The following RIMS1 variants were observed in gnomAD, a reference collection of about 807,000 sequenced individuals.
The protein encoded by RIMS1 is regulating synaptic membrane exocytosis 1.
Under a neutral mutation model 214.1 loss-of-function variants are expected in RIMS1, and 83 were observed. The ratio of observed to expected loss-of-function variants is 0.39; its 90% CI spans 0.32 to 0.47. RIMS1 has a LOEUF of 0.47. RIMS1 is among the 20% of genes least tolerant of loss of function. RIMS1 has a pLI of 0.99. For synonymous variants in RIMS1, 793 were observed against 786.8 expected, an observed-to-expected ratio of 1.01 and a Z score of -0.13; for missense variants, 2,050 against 2,161.8, an observed-to-expected ratio of 0.95 and a Z score of 1.03.
chr6:72,350,482 A>C (rs1264572873), intron 29 of RIMS1, among the ~76,000 whole-genome samples: 3 of 152,130 alleles, frequency 2.0e-5, no homozygotes, highest in Non-Finnish European at 4.4e-5. Flanking sequence ...TTTCATATTC[A>C]GCATGTCCTA....
intron 1 of RIMS1, among the ~76,000 whole-genome samples, chr6:71,896,537 A>G (rs1390588458): frequency 1.3e-5 from 2 of 152,150 alleles, no homozygotes; most frequent in Non-Finnish European, 2.9e-5. Context: ...AGGCTATAGG[A>G]GGTCCACATG....
At chr6:71,969,772 G>A (rs945410385) in intron 2 of RIMS1, among the ~76,000 whole-genome samples, 7 of 152,172 alleles carry the variant, frequency 4.6e-5, no homozygotes, top group Non-Finnish European at 1.0e-4. Context: ...TCGTGCCACT[G>A]TACTCCAGCC....
At chr6:72,215,137 C>T (rs77555438) in intron 6 of RIMS1, among the ~76,000 whole-genome samples, 10,402 of 152,212 alleles carry the variant, frequency 0.068, 411 homozygotes, top group Non-Finnish European at 0.092. Flanking sequence ...TGGTTCTCTT[C>T]TGTATACTTG....
At chr6:71,892,641 C>T (rs1302151684) in intron 1 of RIMS1, among the ~76,000 whole-genome samples, 1 of 152,056 alleles carries the variant, frequency 6.6e-6, no homozygotes, top group South Asian at 2.1e-4. Flanking sequence ...TTCCACCTAA[C>T]CATGAGTTAT....
At chr6:72,154,068 G>C (rs1326378636) in intron 4 of RIMS1, among the ~76,000 whole-genome samples, 2 of 152,104 alleles carry the variant, frequency 1.3e-5, no homozygotes, top group African/African-American at 2.4e-5. Flanking sequence ...GCTTAGCAGA[G>C]TGCTTGATTC....
At chr6:72,365,947 G>A (rs933903354) in intron 29 of RIMS1, 1 of 152,218 alleles carries the variant, frequency 6.6e-6, no homozygotes, top group Non-Finnish European at 1.5e-5. Context: ...GTTTTCACTT[G>A]TGGTGGTAGC....
At chr6:71,932,850 G>GA (rs1397544033) in intron 1 of RIMS1, among the ~76,000 whole-genome samples, 1 of 151,796 alleles carries the variant, frequency 6.6e-6, no homozygotes, top group African/African-American at 2.4e-5. Context: ...GACATGTTTG[G>GA]AAAAAAATTA....
chr6:72,030,586 A>G (rs568741325), intron 2 of RIMS1, among the ~76,000 whole-genome samples: 2 of 152,234 alleles, frequency 1.3e-5, no homozygotes, highest in African/African-American at 4.8e-5. Flanking sequence ...CATGAATTTT[A>G]AAAGATACAC....
chr6:71,943,087 C>T (rs1268250245), intron 1 of RIMS1, among the ~76,000 whole-genome samples: 1 of 151,992 alleles, frequency 6.6e-6, no homozygotes, highest in Non-Finnish European at 1.5e-5. Context: ...ATGGTTACTA[C>T]TAAAATAGTA....
chr6:72,231,251 A>G (rs1269730366), intron 6 of RIMS1, among the ~76,000 whole-genome samples: 1 of 151,742 alleles, frequency 6.6e-6, no homozygotes, highest in Non-Finnish European at 1.5e-5. Flanking sequence ...TAGAAGAAAC[A>G]AAGGTAGTTT....
chr6:72,022,329 A>T (rs370988742), intron 2 of RIMS1, among the ~76,000 whole-genome samples: 1 of 152,186 alleles, frequency 6.6e-6, no homozygotes, highest in Admixed American at 6.6e-5. Context: ...AACAAGATGG[A>T]GTCCCCTGTT....
chr6:72,382,226 C>G (rs771051385), intron 29 of RIMS1, among the ~76,000 whole-genome samples: 30 of 152,078 alleles, frequency 2.0e-4, no homozygotes, highest in Non-Finnish European at 3.8e-4. Flanking sequence ...AAAAATAATC[C>G]TCCAACCTAT....
In RIMS1 at chr6:72,235,650, G is replaced by A. The variant is rs1412452050; in HGVS notation, c.1779G>A (p.Gly593=). 1.9e-6 allele frequency: 3 copies of A among 1,610,848 alleles called. No homozygotes were observed. Among genetic ancestry groups the A allele is most frequent in the African/African-American group, 1.3e-5 (1 of 74,756 alleles). Residue 593 remains glycine, a synonymous_variant, in exon 8 of 34, where the codon GGG becomes GGA. Coordinates refer to ENST00000521978, the MANE Select transcript of RIMS1 (RefSeq NM_014989.7). Reference sequence around the variant, plus strand: ...TAACGTGGCAACCATCTAAAGAGGGGGACCGATTAATTGGACGTGTTATTC... The same window carrying A: ...TAACGTGGCAACCATCTAAAGAGGGAGACCGATTAATTGGACGTGTTATTC... ...HPVTWQPSKE[G]DRLIGRVILN... is the part of the protein sequence containing the mutation.
At chr6:72,332,713 T>C (rs1474561376) in intron 28 of RIMS1, among the ~76,000 whole-genome samples, 1 of 151,202 alleles carries the variant, frequency 6.6e-6, no homozygotes, top group Admixed American at 6.6e-5. Context: ...CTAACATCCA[T>C]GCTCCCTGCT....
rs886968079 is a variant in RIMS1, at chr6:72,124,025, C to G, written c.471+24039C>G. On this transcript the variant is annotated intron_variant, in intron 4 of 33. Transcript: ENST00000521978. ...TTTGATCCTGTCATTATGATGTTAG[C>G]TGGTTATTTTGCTTGTTAGTTGATG... 3.3e-4 allele frequency among the ~76,000 whole-genome samples: 50 copies of G among 151,852 alleles called. 1 individual carries two copies. The highest frequency in any genetic ancestry group is 1.2e-3 in the African/African-American group (48 of 41,508).
At chr6:71,958,010 C>A (rs1021315097) in intron 1 of RIMS1, among the ~76,000 whole-genome samples, 1 of 152,058 alleles carries the variant, frequency 6.6e-6, no homozygotes, top group Non-Finnish European at 1.5e-5. Flanking sequence ...TGTATAAAGG[C>A]TTTATCAAGA....
At chr6:71,991,058 G>A (rs1233933826) in intron 2 of RIMS1, among the ~76,000 whole-genome samples, 1 of 152,058 alleles carries the variant, frequency 6.6e-6, no homozygotes, top group Non-Finnish European at 1.5e-5. Flanking sequence ...GAAACAAAAT[G>A]AATACAGAAA....
At chr6:72,287,231 G>A (rs541252053) in intron 24 of RIMS1, among the ~76,000 whole-genome samples, 2 of 152,292 alleles carry the variant, frequency 1.3e-5, no homozygotes, top group South Asian at 2.1e-4. Flanking sequence ...TTGCAAAAGA[G>A]CCTGTGCAGG....
chr6:71,964,616 T>C (rs899610160), intron 1 of RIMS1, among the ~76,000 whole-genome samples: 1 of 152,142 alleles, frequency 6.6e-6, no homozygotes, highest in Non-Finnish European at 1.5e-5. Context: ...GATTTTCACT[T>C]GAACTGCTGG....
Sources: allele counts gnomAD v4.1 joint callset (sites outside exome capture counted in the v4.1 genomes callset), GRCh38; gene constraint gnomAD v4.1.1; transcripts MANE v1.5; gene names NCBI Gene and HGNC (gene_info 2026-07-23, HGNC 2026-07-21).